The following PRKAR2A variants were observed in gnomAD, a reference collection of about 807,000 sequenced individuals.
PRKAR2A encodes cAMP-dependent protein kinase type II-alpha regulatory subunit.
Under a neutral mutation model 51.9 loss-of-function variants are expected in PRKAR2A, and 29 were observed. That is an observed-to-expected ratio of 0.56 (90% confidence interval 0.42 to 0.76). PRKAR2A has a LOEUF of 0.76. PRKAR2A is among the 30% of genes least tolerant of loss of function. PRKAR2A has a pLI of 0.00. For synonymous variants in PRKAR2A, 178 were observed against 186.2 expected, an observed-to-expected ratio of 0.96 and a Z score of 0.36; for missense variants, 445 against 512.1, an observed-to-expected ratio of 0.87 and a Z score of 1.26.
intron 2 of PRKAR2A, among the ~76,000 whole-genome samples, chr3:48,798,794 G>C (rs1170716164): frequency 6.6e-6 from 1 of 151,640 alleles, no homozygotes; most frequent in Non-Finnish European, 1.5e-5. Flanking sequence ...CTGAGTAGCT[G>C]GAATTACAGG....
chr3:48,804,215 C>T (rs1425048145), intron 2 of PRKAR2A, among the ~76,000 whole-genome samples: 1 of 152,098 alleles, frequency 6.6e-6, no homozygotes, highest in Non-Finnish European at 1.5e-5. Context: ...AAAACCAGCA[C>T]TTTGGAAGGC....
intron 5 of PRKAR2A, among the ~76,000 whole-genome samples, chr3:48,773,822 ATTTTT>A (rs2082066652): frequency 6.7e-6 from 1 of 149,532 alleles, no homozygotes; most frequent in Admixed American, 6.7e-5. Context: ...TGACATATAT[ATTTTT>A]TTGAGACAGG....
chr3:48,782,882 G>T, intron 5 of PRKAR2A, 104 bp downstream of exon 5: 1 of 781,856 alleles, frequency 1.3e-6, no homozygotes, highest in Non-Finnish European at 2.1e-6. Flanking sequence ...TGTTCACCTG[G>T]CCCTTAGCCT....
At position 48,768,344 on chromosome 3, in the gene PRKAR2A, T is replaced by C. The variant is rs141079474; in HGVS notation, c.697-2995A>G. 4.1e-5 allele frequency among the ~76,000 whole-genome samples: 5 copies of C among 122,260 alleles called. No homozygotes were observed. In the South Asian group the frequency reaches 7.7e-4, roughly 19 times the overall value. The allele number at this position is 122,260 out of a possible 152,430, so 80.2% of individuals were successfully genotyped here. On this transcript the variant is annotated intron_variant, in intron 6 of 10. Transcript: ENST00000265563. Reference sequence around the variant, plus strand: ...AGATAGATAGATAGATAGATAGATATAGACAGACAGAGAGACAGACAGACA... The same window carrying C: ...AGATAGATAGATAGATAGATAGATACAGACAGACAGAGAGACAGACAGACA...
intron 2 of PRKAR2A, among the ~76,000 whole-genome samples, chr3:48,799,396 T>A (rs987552253): frequency 1.3e-5 from 2 of 152,150 alleles, no homozygotes; most frequent in African/African-American, 2.4e-5. Flanking sequence ...TTCACCTTCA[T>A]TACCTCTTTA....
rs752127777 is a variant in PRKAR2A, at chr3:48,847,534, C to T, written c.63G>A (p.Val21=). ...TELLQGYTVE[V]LRQQPPDLVE... is the part of the protein sequence containing the mutation. ...CGAGGTCAGGCGGCTGCTGTCGCAG[C>T]ACCTCCACCGTGTAGCCCTGCAGCA... The change falls in exon 1 of 11, where the codon GTG becomes GTA. Residue 21 remains valine, a synonymous_variant. Coordinates refer to ENST00000265563, the MANE Select transcript of PRKAR2A (RefSeq NM_004157.4). This position sits in a 1 kb window ranked among gnomAD's most constrained non-coding sequence, Gnocchi z 4.4. The T allele has an allele frequency of 3.2e-6, 5 of 1,571,228 alleles. No individual in the cohort carries two copies. Among genetic ancestry groups the T allele is most frequent in the Non-Finnish European group, 4.3e-6 (5 of 1,160,642 alleles).
At chr3:48,780,399 C>T (rs1341621929) in intron 5 of PRKAR2A, among the ~76,000 whole-genome samples, 1 of 151,746 alleles carries the variant, frequency 6.6e-6, no homozygotes, top group Admixed American at 6.6e-5. Context: ...GTCAGGAGTT[C>T]GAGACCAGCC....
At chr3:48,819,048 G>A (rs2082917980) in intron 1 of PRKAR2A, among the ~76,000 whole-genome samples, 1 of 151,738 alleles carries the variant, frequency 6.6e-6, no homozygotes, top group Non-Finnish European at 1.5e-5. Context: ...TGTTGCCCAG[G>A]CTGGAGTGCA....
intron 9 of PRKAR2A, among the ~76,000 whole-genome samples, chr3:48,755,461 A>G (rs1258947809): frequency 6.6e-6 from 1 of 152,096 alleles, no homozygotes; most frequent in African/African-American, 2.4e-5. Context: ...CCTCCTACTT[A>G]CAGCTCCTCA....
chr3:48,825,071 G>A (rs1302085469), intron 1 of PRKAR2A, among the ~76,000 whole-genome samples: 1 of 61,746 alleles, frequency 1.6e-5, no homozygotes, highest in Admixed American at 2.6e-4. Flanking sequence ...TTTCACTCTT[G>A]TTGCCCAGGC....
chr3:48,784,727 C>G (rs1439606419), intron 4 of PRKAR2A, among the ~76,000 whole-genome samples: 1 of 152,116 alleles, frequency 6.6e-6, no homozygotes, highest in Non-Finnish European at 1.5e-5. Flanking sequence ...ACAGTAAGTC[C>G]TCAATGTGGT....
rs186248227 is a variant in PRKAR2A at position 48,760,727 on chromosome 3, C to T, written c.873+4277G>A. ...GTGCATGCCTGTAATCCCAGCTACTCAGGAAGCTGAGGCAGGAGAATCGCT... is the reference window on the plus strand; with the variant it reads ...GTGCATGCCTGTAATCCCAGCTACTTAGGAAGCTGAGGCAGGAGAATCGCT... On this transcript the variant is annotated intron_variant, in intron 8 of 10. Transcript: ENST00000265563. 1.1e-3 allele frequency among the ~76,000 whole-genome samples: 168 copies of T among 149,274 alleles called. No individual in the cohort carries two copies. In the Middle Eastern group the frequency reaches 0.018, roughly 16 times the overall value.
chr3:48,841,737 G>GT, intron 1 of PRKAR2A, among the ~76,000 whole-genome samples: 1 of 152,018 alleles, frequency 6.6e-6, no homozygotes, highest in Non-Finnish European at 1.5e-5. Flanking sequence ...GCTATTTTCT[G>GT]TTTTTAATAC....
chr3:48,800,346 C>G (rs1261829588), intron 2 of PRKAR2A, among the ~76,000 whole-genome samples: 2 of 151,012 alleles, frequency 1.3e-5, no homozygotes, highest in Non-Finnish European at 3.0e-5. Context: ...AACCCTGTCT[C>G]TACTAAAAAT....
chr3:48,830,221 A>G (rs1308453419), intron 1 of PRKAR2A, among the ~76,000 whole-genome samples: 2 of 151,900 alleles, frequency 1.3e-5, no homozygotes, highest in African/African-American at 4.8e-5. Flanking sequence ...AAAAAAAACT[A>G]AGACACAAAT....
chr3:48,745,794 C>A (rs1161880635), downstream of PRKAR2A, among the ~76,000 whole-genome samples: 1 of 152,076 alleles, frequency 6.6e-6, no homozygotes, highest in African/African-American at 2.4e-5. Flanking sequence ...CCACCTCCAC[C>A]TCCCAAAGTG....
intron 8 of PRKAR2A, among the ~76,000 whole-genome samples, chr3:48,759,385 T>TC (rs1491570478): frequency 1.5e-5 from 2 of 137,006 alleles, no homozygotes; most frequent in Admixed American, 7.3e-5. Flanking sequence ...ATCCTGCCCC[T>TC]TTTTTTTTTT....
chr3:48,757,284 T>C (rs769926348), intron 8 of PRKAR2A, among the ~76,000 whole-genome samples: 2 of 152,198 alleles, frequency 1.3e-5, no homozygotes, highest in African/African-American at 2.4e-5. Flanking sequence ...ACATCCACCA[T>C]TTAAAGTGGT....
chr3:48,752,206 C>G lies in PRKAR2A; in HGVS notation c.1051G>C (p.Ala351Pro), dbSNP rs2081659624. ...CATTTGACATCTCCAACTGCATAAG[C>G]TGAGGCAGCTCTGGGTTTGTTGGTG... ...LVTNKPRAAS[A>P]YAVGDVKCLV... The change falls in exon 10 of 11, where the codon GCT becomes CCT. Residue 351 changes from alanine (A) to proline (P), a missense_variant. Coordinates refer to ENST00000265563, the MANE Select transcript of PRKAR2A (RefSeq NM_004157.4). The G allele has an allele frequency of 1.2e-6, 2 of 1,614,042 alleles. No homozygotes were observed. The highest frequency in any genetic ancestry group is 1.3e-5 in the African/African-American group (1 of 74,922).
Sources: gnomAD v4.1 joint callset for allele counts (sites outside exome capture counted in the v4.1 genomes callset) on GRCh38, gnomAD v4.1.1 for gene constraint, Gnocchi (gnomAD v3.1) non-coding constraint, MANE v1.5 for transcripts, NCBI Gene and HGNC (gene_info 2026-07-23, HGNC 2026-07-21) for gene names.